The following UBE2U variants were observed in gnomAD, a reference collection of about 807,000 sequenced individuals.
UBE2U encodes ubiquitin-conjugating enzyme E2 U.
UBE2U carries 39 observed loss-of-function variants against 41.2 expected under a neutral mutation model. The observed-to-expected ratio is 0.95, with a 90% CI of 0.73 to 1.24. UBE2U has a LOEUF of 1.24. Among genes scored for constraint, UBE2U ranks in the 50% most tolerant of loss-of-function variants. UBE2U has a pLI of 0.00. For missense variants in UBE2U, 336 were observed against 363.1 expected (o/e 0.93, Z 0.61); for synonymous variants, 107 against 117.8 (o/e 0.91, Z 0.60).
intron 6 of UBE2U, among the ~76,000 whole-genome samples, chr1:64,221,271 C>T (rs996195603): frequency 2.0e-5 from 3 of 152,014 alleles, no homozygotes; most frequent in Non-Finnish European, 2.9e-5. Flanking sequence ...TCCACCACAC[C>T]CGGCTAATTT....
chr1:64,253,267 G>C (rs762131796), intron 8 of UBE2U, among the ~76,000 whole-genome samples: 1 of 152,130 alleles, frequency 6.6e-6, no homozygotes, highest in Non-Finnish European at 1.5e-5. Context: ...GGATTATGTA[G>C]GGACACCAAA....
chr1:64,229,946 A>G (rs771193238), intron 6 of UBE2U, among the ~76,000 whole-genome samples: 21 of 152,318 alleles, frequency 1.4e-4, no homozygotes, highest in Non-Finnish European at 2.6e-4. Flanking sequence ...TGTCTGTACT[A>G]ACAGCACCTG....
At chr1:64,230,320 C>T (rs1644535094) in intron 6 of UBE2U, among the ~76,000 whole-genome samples, 1 of 152,124 alleles carries the variant, frequency 6.6e-6, no homozygotes, top group South Asian at 2.1e-4. Context: ...ATTTACTTGC[C>T]TTATTCGAGA....
intron 7 of UBE2U, among the ~76,000 whole-genome samples, chr1:64,238,709 TGTCATCAAGCTAAAAGGGGTAA>T (rs1302115598): frequency 6.6e-6 from 1 of 151,768 alleles, no homozygotes; most frequent in Non-Finnish European, 1.5e-5. Context: ...CAATGGCAAA[TGTCATCAAGCTAAAAGGGGTAA>T]GTTCATCATT....
intron 7 of UBE2U, among the ~76,000 whole-genome samples, chr1:64,239,273 T>C (rs1644790554): frequency 6.6e-6 from 1 of 151,822 alleles, no homozygotes; most frequent in Non-Finnish European, 1.5e-5. Flanking sequence ...AGAACAATAA[T>C]AAGAAATAGG....
intron 7 of UBE2U, among the ~76,000 whole-genome samples, chr1:64,238,411 AAAAAG>A (rs1454455658): frequency 2.6e-5 from 4 of 151,940 alleles, no homozygotes; most frequent in East Asian, 3.9e-4. Context: ...TAAAAAAAAA[AAAAAG>A]AAAAGATAAA....
At chr1:64,232,464 G>C in intron 6 of UBE2U, 97 bp from the exon 7 acceptor site, 4 of 744,730 alleles carry the variant, frequency 5.4e-6, no homozygotes, top group Non-Finnish European at 8.4e-6. Context: ...AATATCTTGT[G>C]ACAAGATATT....
intron 8 of UBE2U, among the ~76,000 whole-genome samples, chr1:64,255,441 A>G (rs1645075036): frequency 6.6e-6 from 1 of 152,212 alleles, no homozygotes; most frequent in South Asian, 2.1e-4. Flanking sequence ...TCATCCTGAT[A>G]CCAAAACCTG....
chr1:64,231,179 G>A (rs1369855797), intron 6 of UBE2U, among the ~76,000 whole-genome samples: 1 of 152,146 alleles, frequency 6.6e-6, no homozygotes, highest in Non-Finnish European at 1.5e-5. Context: ...GTTTGAAATT[G>A]AACAGGACAC....
At chr1:64,227,459 CTA>C (rs1293826685) in intron 6 of UBE2U, among the ~76,000 whole-genome samples, 3 of 152,106 alleles carry the variant, frequency 2.0e-5, no homozygotes, top group Admixed American at 2.0e-4. Flanking sequence ...TAAAAATTAA[CTA>C]TGTTTCTATA....
intron 8 of UBE2U, among the ~76,000 whole-genome samples, chr1:64,246,370 G>A (rs1644920412): frequency 6.6e-6 from 1 of 152,130 alleles, no homozygotes; most frequent in Non-Finnish European, 1.5e-5. Flanking sequence ...TATGGAAAAC[G>A]TTCATGCTGA....
At chr1:64,207,896 T>A (rs1651401310) in intron 3 of UBE2U, among the ~76,000 whole-genome samples, 1 of 152,150 alleles carries the variant, frequency 6.6e-6, no homozygotes, top group Non-Finnish European at 1.5e-5. Context: ...GGGAAAATAT[T>A]TGCAATGCAT....
intron 7 of UBE2U, among the ~76,000 whole-genome samples, chr1:64,238,219 A>G (rs1009357264): frequency 8.5e-5 from 13 of 152,170 alleles, no homozygotes; most frequent in African/African-American, 3.1e-4. Flanking sequence ...AGCCTGGCCA[A>G]CATGGCGAAA....
intron 7 of UBE2U, among the ~76,000 whole-genome samples, chr1:64,240,367 G>A (rs925274485): frequency 1.3e-5 from 2 of 152,210 alleles, no homozygotes; most frequent in African/African-American, 4.8e-5. Context: ...TTCCCTGTGA[G>A]CTATTAGAGG....
At chr1:64,205,816 A>T in intron 2 of UBE2U, 96 bp downstream of exon 2, 1 of 892,282 alleles carries the variant, frequency 1.1e-6, no homozygotes, top group South Asian at 2.5e-5. Context: ...CATTATATAA[A>T]TTTCCTGAAA....
intron 8 of UBE2U, among the ~76,000 whole-genome samples, chr1:64,250,286 A>G (rs1342751047): frequency 6.6e-6 from 1 of 152,230 alleles, no homozygotes; most frequent in African/African-American, 2.4e-5. Flanking sequence ...CCTCACTTAA[A>G]AAGAAATGAA....
chr1:64,220,772 TTTA>T, intron 5 of UBE2U, 84 bp from the exon 6 acceptor site: 1 of 998,848 alleles, frequency 1.0e-6, no homozygotes, highest in Non-Finnish European at 1.5e-6. Context: ...TTATTACCAT[TTTA>T]TTGAGGCTTT....
intron 8 of UBE2U, among the ~76,000 whole-genome samples, chr1:64,246,164 T>C (rs768393360): frequency 2.4e-4 from 37 of 152,264 alleles, no homozygotes; most frequent in South Asian, 6.2e-4. Flanking sequence ...AGAACATCTG[T>C]GCAATATCAA....
At chr1:64,247,682 A>T (rs1262914740) in intron 8 of UBE2U, among the ~76,000 whole-genome samples, 1 of 152,080 alleles carries the variant, frequency 6.6e-6, no homozygotes, top group African/African-American at 2.4e-5. Flanking sequence ...TGAGCAATAT[A>T]GTGAGACCTC....
Sources: gnomAD v4.1 joint callset for allele counts (sites outside exome capture counted in the v4.1 genomes callset) on GRCh38, gnomAD v4.1.1 for gene constraint, MANE v1.5 for transcripts, NCBI Gene and HGNC (gene_info 2026-07-23, HGNC 2026-07-21) for gene names.